Variants in TENM4 observed in about 807,000 individuals in gnomAD.
TENM4 encodes the protein teneurin transmembrane protein 4.
In TENM4, 82 loss-of-function variants were observed where a neutral mutation model predicts 243.3. That is an observed-to-expected ratio of 0.34 (90% CI 0.28 to 0.40). TENM4 has a LOEUF of 0.40. Among genes scored for constraint, TENM4 ranks in the 10% least tolerant of loss-of-function variants. The pLI is 1.00. For missense variants in TENM4, 3,138 were observed against 3,673.3 expected, an observed-to-expected ratio of 0.85 and a Z score of 3.77; for synonymous variants, 1,412 against 1,456.3, an observed-to-expected ratio of 0.97 and a Z score of 0.69.
At chr11:78,705,521 C>G (rs1452079546) in intron 27 of TENM4, among the ~76,000 whole-genome samples, 2 of 152,178 alleles carry the variant, frequency 1.3e-5, no homozygotes, top group Non-Finnish European at 2.9e-5. Flanking sequence ...TTTCCCATCC[C>G]CAAAATGAAT....
At chr11:79,006,460 T>G (rs1179738134) in intron 6 of TENM4, among the ~76,000 whole-genome samples, 1 of 152,226 alleles carries the variant, frequency 6.6e-6, no homozygotes, top group Non-Finnish European at 1.5e-5. Flanking sequence ...GCTCATTTAC[T>G]GAGTTCAGAA....
chr11:78,904,792 T>C (rs1856026472), intron 6 of TENM4, among the ~76,000 whole-genome samples: 1 of 152,218 alleles, frequency 6.6e-6, no homozygotes, highest in East Asian at 1.9e-4. Context: ...CCCAAGGGTT[T>C]GTGGCTAAGT....
chr11:79,028,714 A>C (rs529715712), intron 6 of TENM4, among the ~76,000 whole-genome samples: 1 of 152,334 alleles, frequency 6.6e-6, no homozygotes, highest in South Asian at 2.1e-4. Context: ...TCTTGGGTAG[A>C]ATCTGGGTGA....
intron 1 of TENM4, among the ~76,000 whole-genome samples, chr11:79,412,009 G>C (rs1451122704): frequency 6.6e-6 from 1 of 152,218 alleles, no homozygotes; most frequent in Non-Finnish European, 1.5e-5. Flanking sequence ...GCAGAGCACT[G>C]ATGCTTGGCT....
At chr11:78,829,365 C>T (rs1015324650) in intron 12 of TENM4, among the ~76,000 whole-genome samples, 1 of 152,152 alleles carries the variant, frequency 6.6e-6, no homozygotes, top group Non-Finnish European at 1.5e-5. Flanking sequence ...AGTTGTGTAA[C>T]CTTGGGCAAA....
chr11:78,892,803 CA>C (rs1367346918), intron 7 of TENM4, among the ~76,000 whole-genome samples: 1 of 152,172 alleles, frequency 6.6e-6, no homozygotes, highest in East Asian at 1.9e-4. Flanking sequence ...CTTGTAGAAG[CA>C]ACTTTTCTAA....
At chr11:78,787,966 G>A (rs1161050495) in intron 15 of TENM4, among the ~76,000 whole-genome samples, 1 of 152,212 alleles carries the variant, frequency 6.6e-6, no homozygotes, top group Non-Finnish European at 1.5e-5. Flanking sequence ...TTAGGAAACA[G>A]GTTGAGCAAC....
chr11:79,026,600 T>C lies in TENM4; in HGVS notation c.493+38138A>G, dbSNP rs1179390648. Among the ~76,000 whole-genome samples the C allele has an allele frequency of 3.3e-5, 5 of 152,326 alleles. No individual in the cohort carries two copies. In the East Asian group the frequency reaches 9.6e-4, roughly 29 times the overall value. ...AGAAGTAGTACTTTTAGTGCTTTTTTGAATATCTACTTTGGGTCAGGCACT... is the reference window on the plus strand; with the variant it reads ...AGAAGTAGTACTTTTAGTGCTTTTTCGAATATCTACTTTGGGTCAGGCACT... On this transcript the variant is annotated intron_variant, in intron 6 of 33. Transcript: ENST00000278550.
At chr11:78,923,757 C>G (rs1476409111) in intron 6 of TENM4, among the ~76,000 whole-genome samples, 5 of 132,042 alleles carry the variant, frequency 3.8e-5, no homozygotes, top group African/African-American at 1.4e-4. Flanking sequence ...CCAGGCTGGT[C>G]TCAAACTCCT....
Position 79,144,210 on chromosome 11 carries a change from A to G in TENM4, c.-66+4500T>C, listed in dbSNP as rs115227699. Reference sequence around the variant, plus strand: ...ACAGGTAGATGAAAAAGTGCTCAACATCATTGATTATCAGAGAAAAGCAAA... The same window carrying G: ...ACAGGTAGATGAAAAAGTGCTCAACGTCATTGATTATCAGAGAAAAGCAAA... On this transcript the variant is annotated intron_variant, in intron 4 of 33. Transcript: ENST00000278550. Among the ~76,000 whole-genome samples the G allele has an allele frequency of 5.1e-3, 780 of 152,270 alleles. 8 individuals carry two copies. Among genetic ancestry groups the G allele is most frequent in the African/African-American group, 0.018 (746 of 41,580 alleles).
intron 16 of TENM4, among the ~76,000 whole-genome samples, chr11:78,784,341 T>C (rs1856893427): frequency 6.6e-6 from 1 of 152,196 alleles, no homozygotes; most frequent in African/African-American, 2.4e-5. Flanking sequence ...GATGGGACCA[T>C]TGTTTCTCTA....
chr11:78,930,913 C>T (rs1455735367), intron 6 of TENM4, among the ~76,000 whole-genome samples: 1 of 152,178 alleles, frequency 6.6e-6, no homozygotes, highest in Non-Finnish European at 1.5e-5. Context: ...CTTTTGGGCC[C>T]AGACTTCATA....
intron 1 of TENM4, among the ~76,000 whole-genome samples, chr11:79,383,960 C>T (rs1858057417): frequency 6.6e-6 from 1 of 152,136 alleles, no homozygotes; most frequent in African/African-American, 2.4e-5. Flanking sequence ...ATGAAGCAAC[C>T]AAGGAAACCT....
intron 1 of TENM4, among the ~76,000 whole-genome samples, chr11:79,345,054 C>T (rs1434149125): frequency 6.6e-6 from 1 of 152,182 alleles, no homozygotes; most frequent in Admixed American, 6.5e-5. Context: ...ACTGTAATTA[C>T]TGTTCTAACT....
At chr11:78,769,873 C>G (rs1176649638) in intron 18 of TENM4, among the ~76,000 whole-genome samples, 1 of 152,228 alleles carries the variant, frequency 6.6e-6, no homozygotes, top group Non-Finnish European at 1.5e-5. Flanking sequence ...GCAAATAAAC[C>G]ACAGAAATCA....
At chr11:78,787,652 T>C (rs600174) in intron 15 of TENM4, among the ~76,000 whole-genome samples, 80,941 of 151,918 alleles carry the variant, frequency 0.53, 25,594 homozygotes, top group Non-Finnish European at 0.72. Flanking sequence ...GAGTATACTC[T>C]AGGTTGTTGT....
chr11:78,954,709 A>C (rs1437627287), intron 6 of TENM4, among the ~76,000 whole-genome samples: 1 of 152,242 alleles, frequency 6.6e-6, no homozygotes, highest in Non-Finnish European at 1.5e-5. Context: ...GTAATATACA[A>C]TTTCCTTTTG....
At chr11:78,999,637 G>A (rs968014608) in intron 6 of TENM4, among the ~76,000 whole-genome samples, 2 of 152,148 alleles carry the variant, frequency 1.3e-5, no homozygotes, top group Admixed American at 1.3e-4. Context: ...TATAGTAACT[G>A]AAGTGTCCAG....
chr11:78,748,089 T>C (rs1314608821), intron 19 of TENM4, among the ~76,000 whole-genome samples: 1 of 152,202 alleles, frequency 6.6e-6, no homozygotes, highest in Non-Finnish European at 1.5e-5. Context: ...CACCGATGCT[T>C]CAGGTTAAGA....
Sources: gnomAD v4.1 joint callset for allele counts (sites outside exome capture counted in the v4.1 genomes callset) on GRCh38, gnomAD v4.1.1 for gene constraint, MANE v1.5 for transcripts, NCBI Gene and HGNC (gene_info 2026-07-23, HGNC 2026-07-21) for gene names.